Variants in ZNF385D observed in about 807,000 individuals in gnomAD.
ZNF385D encodes the protein zinc finger protein 385D.
A neutral mutation model predicts 35.8 loss-of-function variants in ZNF385D; 15 were observed. That is an observed-to-expected ratio of 0.42 (90% CI 0.28 to 0.64). ZNF385D has a LOEUF of 0.64. ZNF385D is among the 30% of genes least tolerant of loss of function. The pLI is 0.23. For missense variants in ZNF385D, 474 were observed against 494.6 expected (o/e 0.96, Z 0.39); for synonymous variants, 212 against 186.8 (o/e 1.13, Z -1.10).
intron 4 of ZNF385D, among the ~76,000 whole-genome samples, chr3:21,455,958 T>G (rs1453757341): frequency 2.6e-5 from 4 of 152,090 alleles, no homozygotes; most frequent in Non-Finnish European, 4.4e-5. Flanking sequence ...AAGAAGACAT[T>G]TATGCAGCCA....
chr3:21,583,184 A>C (rs1274924253), intron 2 of ZNF385D, among the ~76,000 whole-genome samples: 1 of 152,184 alleles, frequency 6.6e-6, no homozygotes, highest in Non-Finnish European at 1.5e-5. Context: ...TAAACTATAA[A>C]AACGAAAATA....
chr3:21,980,206 T>C (rs910497943), intron 3 of ZNF385D, among the ~76,000 whole-genome samples: 2 of 152,176 alleles, frequency 1.3e-5, no homozygotes, highest in African/African-American at 4.8e-5. Flanking sequence ...GTGAATGAGC[T>C]ACCTTGTAAG....
intron 3 of ZNF385D, among the ~76,000 whole-genome samples, chr3:21,849,385 A>C (rs1042021241): frequency 6.6e-6 from 1 of 152,070 alleles, no homozygotes; most frequent in Non-Finnish European, 1.5e-5. Flanking sequence ...ATTACATAGC[A>C]TGCTTTTCTG....
chr3:22,138,424 A>C (rs1435047088), intron 3 of ZNF385D, among the ~76,000 whole-genome samples: 1 of 152,164 alleles, frequency 6.6e-6, no homozygotes, highest in East Asian at 1.9e-4. Context: ...CTATACTACA[A>C]GGCTACAGTA....
At chr3:21,702,033 G>A (rs1001824806) in intron 1 of ZNF385D, among the ~76,000 whole-genome samples, 1 of 152,138 alleles carries the variant, frequency 6.6e-6, no homozygotes, top group Non-Finnish European at 1.5e-5. Context: ...TCTCGGATCT[G>A]GAGGACAGTA....
chr3:21,500,541 G>T (rs957530414), intron 4 of ZNF385D, among the ~76,000 whole-genome samples: 3 of 152,180 alleles, frequency 2.0e-5, no homozygotes, highest in Non-Finnish European at 4.4e-5. Flanking sequence ...GTGCACCCAG[G>T]CACATATGCA....
chr3:22,146,983 A>G (rs951973234), intron 3 of ZNF385D, among the ~76,000 whole-genome samples: 13 of 152,196 alleles, frequency 8.5e-5, no homozygotes, highest in African/African-American at 2.9e-4. Context: ...AGCTAATCAA[A>G]CGAAACAAAA....
At chr3:21,791,608 A>G (rs2071928798) in intron 3 of ZNF385D, among the ~76,000 whole-genome samples, 1 of 152,224 alleles carries the variant, frequency 6.6e-6, no homozygotes, top group Non-Finnish European at 1.5e-5. Context: ...ACAAAACATT[A>G]GCAGCTCTAA....
intron 3 of ZNF385D, among the ~76,000 whole-genome samples, chr3:22,057,433 T>C (rs1247615718): frequency 6.6e-6 from 1 of 152,170 alleles, no homozygotes; most frequent in Admixed American, 6.5e-5. Flanking sequence ...TTTTACTATA[T>C]CAACTGATAC....
At chr3:22,102,486 T>C (rs368060155) in intron 3 of ZNF385D, among the ~76,000 whole-genome samples, 10 of 152,008 alleles carry the variant, frequency 6.6e-5, no homozygotes, top group Admixed American at 1.3e-4. Context: ...CTGAGTTTCA[T>C]TGTACAATAT....
At chr3:21,679,433 G>A (rs185576379) in intron 1 of ZNF385D, among the ~76,000 whole-genome samples, 1 of 152,048 alleles carries the variant, frequency 6.6e-6, no homozygotes, top group Admixed American at 6.6e-5. Flanking sequence ...TTTTGAAGGG[G>A]AGTATTCATG....
chr3:22,244,556 C>T (rs961028446), intron 2 of ZNF385D, among the ~76,000 whole-genome samples: 1 of 150,624 alleles, frequency 6.6e-6, no homozygotes, highest in Non-Finnish European at 1.5e-5. Context: ...AAATGAGATG[C>T]TTAGAATGAT....
chr3:22,033,178 G>A (rs1213893307), intron 3 of ZNF385D, among the ~76,000 whole-genome samples: 3 of 151,960 alleles, frequency 2.0e-5, no homozygotes, highest in African/African-American at 4.8e-5. Context: ...GAGGCAGGTC[G>A]ATAGCTTGAG....
At chr3:21,510,815 C>T in intron 4 of ZNF385D, 46 bp downstream of exon 4, 1 of 1,608,028 alleles carries the variant, frequency 6.2e-7, no homozygotes, top group Non-Finnish European at 8.5e-7. Flanking sequence ...GAGGGAATCC[C>T]CAACGACGAC....
At chr3:21,928,578 T>C (rs1027365731) in intron 3 of ZNF385D, among the ~76,000 whole-genome samples, 5 of 152,096 alleles carry the variant, frequency 3.3e-5, no homozygotes, top group African/African-American at 1.2e-4. Flanking sequence ...TTTGAAAAGG[T>C]TAAAAAATAA....
intron 3 of ZNF385D, among the ~76,000 whole-genome samples, chr3:21,832,406 G>T (rs544941330): frequency 6.6e-6 from 1 of 152,224 alleles, no homozygotes; most frequent in Middle Eastern, 3.4e-3. Flanking sequence ...TTTGAAAATT[G>T]CTAGGGCTTG....
chr3:22,095,004 T>C lies in ZNF385D; in HGVS notation c.325+73813A>G, dbSNP rs968136831. Among the ~76,000 whole-genome samples, 8 of 151,918 alleles carry C rather than the reference T, an allele frequency of 5.3e-5. No individual in the cohort carries two copies. The South Asian group carries it at 1.5e-3, about 28-fold the overall frequency. ...CTCACTGTTACCTTAAACTCCTGGG[T>C]TCAAGCAATCCTCCCACCTCAGACT... On this transcript the variant is annotated intron_variant, in intron 3 of 5. Transcript: ENST00000494108.
At chr3:22,138,435 A>G (rs1704292518) in intron 3 of ZNF385D, among the ~76,000 whole-genome samples, 1 of 152,322 alleles carries the variant, frequency 6.6e-6, no homozygotes, top group South Asian at 2.1e-4. Flanking sequence ...GGCTACAGTA[A>G]CCAAAACAGC....
At chr3:21,930,124 TC>T (rs1430913578) in intron 3 of ZNF385D, among the ~76,000 whole-genome samples, 3 of 151,520 alleles carry the variant, frequency 2.0e-5, no homozygotes, top group African/African-American at 7.3e-5. Flanking sequence ...AATTTGAGAG[TC>T]CAAAAATAAA....
Sources: allele counts gnomAD v4.1 joint callset (sites outside exome capture counted in the v4.1 genomes callset), GRCh38; gene constraint gnomAD v4.1.1; transcripts MANE v1.5; gene names NCBI Gene and HGNC (gene_info 2026-07-23, HGNC 2026-07-21).